Variants in MED8 observed in about 807,000 individuals in gnomAD.
MED8 encodes mediator complex subunit 8, also known as mediator of RNA polymerase II transcription subunit 8.
A neutral mutation model predicts 34.8 loss-of-function variants in MED8; 22 were observed. The ratio of observed to expected loss-of-function variants is 0.63; its 90% CI spans 0.45 to 0.90. The LOEUF (loss-of-function observed/expected upper bound fraction) is 0.90, where lower values mean the gene tolerates loss of function less well. MED8 is among the 40% of genes least tolerant of loss of function. MED8 has a pLI of 0.00. For missense variants in MED8, 260 were observed against 326.3 expected, an observed-to-expected ratio of 0.80 and a Z score of 1.57; for synonymous variants, 105 against 120.2, an observed-to-expected ratio of 0.87 and a Z score of 0.83.
At position 43,387,611 on chromosome 1, in the gene MED8, T is replaced by C; in HGVS notation, c.162A>G (p.Gly54=). Residue 54 remains glycine (G), a synonymous_variant, in exon 3 of 7, where the codon GGA becomes GGG. Transcript: ENST00000372457. ...AGACCTTGTTCAGAGTGTTCAGCTGTCCAGAAAGCAAGGCAAAGCTGTCCA... is the reference window on the plus strand; with the variant it reads ...AGACCTTGTTCAGAGTGTTCAGCTGCCCAGAAAGCAAGGCAAAGCTGTCCA... ...SVLDSFALLS[G]QLNTLNKVLK... is the part of the protein sequence containing the mutation. The C allele has an allele frequency of 6.2e-7, 1 of 1,613,982 alleles. No homozygotes were observed. Among genetic ancestry groups the C allele is most frequent in the Non-Finnish European group, 8.5e-7 (1 of 1,179,898 alleles).
chr1:43,386,399 CTCT>C lies in MED8; in HGVS notation c.494-176_494-174del. The C allele has an allele frequency of 9.4e-7, 1 of 1,060,156 alleles. No individual in the cohort carries two copies. The highest frequency in any genetic ancestry group is 1.3e-6 in the Non-Finnish European group (1 of 749,286). The allele number at this position is 1,060,156 out of a possible 1,614,324, so 65.7% of individuals were successfully genotyped here. On this transcript the variant is annotated intron_variant, in intron 5 of 6. Transcript: ENST00000372457. The surrounding 1 kb of genome is among the most constrained non-coding windows in gnomAD (Gnocchi z 4.9). ...ACCCCCAAGCCTATCTCAGAATTCT[CTCT>C]TCTTACTTTGCCCATTTCCTCCACT...
At chr1:43,387,085 AG>A in intron 3 of MED8, 87 bp from the exon 4 acceptor site, 2 of 1,533,538 alleles carry the variant, frequency 1.3e-6, no homozygotes, top group Non-Finnish European at 1.8e-6. Flanking sequence ...ACAGGCAAAC[AG>A]TGCATTTTCA....
At position 43,384,814 on chromosome 1, in the gene MED8, A is replaced by C. The variant is rs1647671739; in HGVS notation, c.*228T>G. 6.5e-6 allele frequency: 9 copies of C among 1,383,172 alleles called. No individual in the cohort carries two copies. In the South Asian group the frequency reaches 1.4e-4, roughly 22 times the overall value. The allele number at this position is 1,383,172 out of a possible 1,614,324, so 85.7% of individuals were successfully genotyped here. A position where few individuals can be genotyped will look rare whatever the true frequency, so the allele number is the denominator to read the frequency against. ...ATTTCCTCATTTTAATCCTCACAAC[A>C]ACCCTATGAGGTAGGTATTATCACC... On this transcript the variant is annotated 3_prime_UTR_variant, in exon 7 of 7. Transcript: ENST00000372457.
In MED8 at chr1:43,386,846, A is replaced by C. The variant is rs374919417; in HGVS notation, c.411+12T>G. On this transcript the variant is annotated intron_variant, in intron 4 of 6. Coordinates refer to ENST00000372457, the MANE Select transcript of MED8 (RefSeq NM_201542.5). The surrounding 1 kb of genome is among the most constrained non-coding windows in gnomAD (Gnocchi z 4.9). Reference sequence around the variant, plus strand: ...ATGGGGATGGGGCAGCAAGGCAGTGACTCAGTCCAACCTGGGCTGCATCTG... The same window carrying C: ...ATGGGGATGGGGCAGCAAGGCAGTGCCTCAGTCCAACCTGGGCTGCATCTG... 3 of 1,613,658 alleles carry C rather than the reference A, an allele frequency of 1.9e-6. No individual in the cohort carries two copies. Among genetic ancestry groups the C allele is most frequent in the Non-Finnish European group, 2.5e-6 (3 of 1,179,776 alleles).
At chr1:43,385,394 T>A (rs746964791) in intron 6 of MED8, 8 of 363,318 alleles carry the variant, frequency 2.2e-5, no homozygotes, top group Non-Finnish European at 3.5e-5. Context: ...AAGAGTACTA[T>A]GTTCTCTCAT....
intron 6 of MED8, 120 bp downstream of exon 6, chr1:43,385,858 A>G: frequency 1.4e-6 from 2 of 1,423,326 alleles, no homozygotes. Context: ...CCTGGGTCAC[A>G]GTGAAAAGGA....
chr1:43,385,816 A>T (rs1647707671), intron 6 of MED8, 162 bp downstream of exon 6: 1 of 1,133,294 alleles, frequency 8.8e-7, no homozygotes, highest in Admixed American at 2.3e-5. Flanking sequence ...GCAGAGTCTC[A>T]GATGAGATTT....
At chr1:43,387,416 C>G in intron 3 of MED8, 87 bp downstream of exon 3, 1 of 1,499,456 alleles carries the variant, frequency 6.7e-7, no homozygotes, top group South Asian at 1.3e-5. Flanking sequence ...TTTCTAGGCT[C>G]TCAGCTAATA....
chr1:43,389,741 G>C lies in MED8; in HGVS notation c.6+18C>G. Reference sequence around the variant, plus strand: ...CCCGAAGCTTGCCAGCCGCTAGTACGCCCAACGCAACTCTCACCTGCATTG... The same window carrying C: ...CCCGAAGCTTGCCAGCCGCTAGTACCCCCAACGCAACTCTCACCTGCATTG... On this transcript the variant is annotated intron_variant, in intron 1 of 6. Transcript: ENST00000372457. 6.2e-7 allele frequency: 1 copy of C among 1,605,266 alleles called. No individual in the cohort carries two copies. The highest frequency in any genetic ancestry group is 8.5e-7 in the Non-Finnish European group (1 of 1,176,292).
rs140179951 is a variant in MED8 at position 43,386,715 on chromosome 1, G to T, written c.412-45C>A. On this transcript the variant is annotated intron_variant, in intron 4 of 6. Coordinates refer to ENST00000372457, the MANE Select transcript of MED8 (RefSeq NM_201542.5). The surrounding 1 kb of genome is among the most constrained non-coding windows in gnomAD (Gnocchi z 4.9). ...GCAGAGATTAGGGTAACTAGGAAACGATATGGAGAAATTTATTCCTTGGGT... is the reference window on the plus strand; with the variant it reads ...GCAGAGATTAGGGTAACTAGGAAACTATATGGAGAAATTTATTCCTTGGGT... 6.3e-7 allele frequency: 1 copy of T among 1,592,296 alleles called. No individual in the cohort carries two copies. The highest frequency in any genetic ancestry group is 1.1e-5 in the South Asian group (1 of 88,818).
In MED8 at chr1:43,388,319, C is replaced by A. The variant is rs374311186; in HGVS notation, c.116G>T (p.Arg39Leu). Reference sequence around the variant, plus strand: ...CCCTGGTAACTCTTACCAGGTCAGCCGGCCATACTCGTTCTCCAACTTGCA... The same window carrying A: ...CCCTGGTAACTCTTACCAGGTCAGCAGGCCATACTCGTTCTCCAACTTGCA... ...FICKLENEYG[R>L]LTWPSVLDSF... The change falls in exon 2 of 7, where the codon CGG becomes CTG. Residue 39 changes from arginine to leucine, a missense_variant. Arg to Leu is a moderately radical substitution (Grantham distance 102). Coordinates refer to ENST00000372457, the MANE Select transcript of MED8 (RefSeq NM_201542.5). 77 of 1,613,092 alleles carry A rather than the reference C, an allele frequency of 4.8e-5. No homozygotes were observed. Among genetic ancestry groups the A allele is most frequent in the Non-Finnish European group, 6.0e-5 (71 of 1,179,884 alleles).
At chr1:43,385,197 C>A in intron 6 of MED8, 91 bp from the exon 7 acceptor site, 1 of 1,485,436 alleles carries the variant, frequency 6.7e-7, no homozygotes, top group South Asian at 1.3e-5. Flanking sequence ...TCTGTCACTT[C>A]CTTTATCATC....
intron 3 of MED8, 70 bp from the exon 4 acceptor site, chr1:43,387,068 C>G: frequency 6.3e-7 from 1 of 1,576,896 alleles, no homozygotes; most frequent in Non-Finnish European, 8.6e-7. Flanking sequence ...GACATAAAGT[C>G]CCATCCACAG....
chr1:43,388,527 G>T lies in MED8; in HGVS notation c.7-99C>A, dbSNP rs573086131. 31 of 1,533,764 alleles carry T rather than the reference G, an allele frequency of 2.0e-5. No individual in the cohort carries two copies. The African/African-American group carries it at 2.6e-4, about 13-fold the overall frequency. On this transcript the variant is annotated intron_variant, in intron 1 of 6. Coordinates refer to ENST00000372457, the MANE Select transcript of MED8 (RefSeq NM_201542.5). ...GGAGATGGTGTGCAACACCAGTCAG[G>T]TAACACAGGATCTCATTGGCATAGG...
intron 1 of MED8, chr1:43,389,103 C>A (rs528782821): frequency 6.5e-6 from 1 of 152,732 alleles, no homozygotes; most frequent in East Asian, 1.9e-4. Flanking sequence ...AAAAACCACA[C>A]ATGCTTCTAA....
At position 43,384,419 on chromosome 1, in the gene MED8, T is replaced by C. The variant is rs1266687749; in HGVS notation, c.*623A>G. On this transcript the variant is annotated 3_prime_UTR_variant, in exon 7 of 7. Coordinates refer to ENST00000372457, the MANE Select transcript of MED8 (RefSeq NM_201542.5). Reference sequence around the variant, plus strand: ...ACAGGTAAAAGCCAAGTTGGCTCCTTAGAGGATGGAAAGGAGAGCAGGCCC... The same window carrying C: ...ACAGGTAAAAGCCAAGTTGGCTCCTCAGAGGATGGAAAGGAGAGCAGGCCC... 27 of 1,566,060 alleles carry C rather than the reference T, an allele frequency of 1.7e-5. No homozygotes were observed. The highest frequency in any genetic ancestry group is 2.2e-5 in the Non-Finnish European group (26 of 1,156,362).
At chr1:43,388,692 T>G (rs2153926044) in intron 1 of MED8, 2 of 438,034 alleles carry the variant, frequency 4.6e-6, no homozygotes, top group Non-Finnish European at 8.4e-6. Context: ...ATGCCTGGTT[T>G]TTCTCTGTGT....
At chr1:43,385,266 C>T in intron 6 of MED8, 160 bp from the exon 7 acceptor site, 1 of 905,280 alleles carries the variant, frequency 1.1e-6, no homozygotes, top group East Asian at 2.7e-5. Flanking sequence ...GATTCTTCAC[C>T]CAGCTGTCTC....
At chr1:43,385,860 T>G (rs1647708996) in intron 6 of MED8, 118 bp downstream of exon 6, 1 of 1,443,988 alleles carries the variant, frequency 6.9e-7, no homozygotes, top group African/African-American at 1.4e-5. Flanking sequence ...TGGGTCACAG[T>G]GAAAAGGAGA....
Sources: allele counts gnomAD v4.1 joint callset, GRCh38; gene constraint gnomAD v4.1.1; non-coding constraint Gnocchi (gnomAD v3.1); transcripts MANE v1.5; gene names NCBI Gene and HGNC (gene_info 2026-07-23, HGNC 2026-07-21).